ROBO2: variants seen among roughly 807,000 people sequenced by gnomAD.
ROBO2 encodes roundabout homolog 2.
In ROBO2, 53 loss-of-function variants were observed where a neutral mutation model predicts 160.8. That is an observed-to-expected ratio of 0.33 (90% confidence interval 0.26 to 0.41). The LOEUF (loss-of-function observed/expected upper bound fraction) is 0.41, where lower values mean the gene tolerates loss of function less well. ROBO2 is among the 10% of genes least tolerant of loss of function. ROBO2 has a pLI of 1.00. For synonymous variants in ROBO2, 664 were observed against 611.7 expected (o/e 1.09, Z -1.26); for missense variants, 1,577 against 1,722.4 (o/e 0.92, Z 1.49).
chr3:76,706,899 T>G (rs1025479608), intron 2 of ROBO2, among the ~76,000 whole-genome samples: 9 of 152,150 alleles, frequency 5.9e-5, no homozygotes, highest in African/African-American at 2.2e-4. Flanking sequence ...GGTAAACCAA[T>G]GTGATAAGTT....
chr3:77,443,584 C>A (rs2080170164), intron 2 of ROBO2, among the ~76,000 whole-genome samples: 1 of 152,018 alleles, frequency 6.6e-6, no homozygotes, highest in African/African-American at 2.4e-5. Context: ...GACAATTCTA[C>A]TAAAATTGCA....
chr3:77,439,078 C>T (rs1275576605), intron 2 of ROBO2, among the ~76,000 whole-genome samples: 1 of 151,744 alleles, frequency 6.6e-6, no homozygotes, highest in Non-Finnish European at 1.5e-5. Context: ...ATATATTGTC[C>T]TTTTGCATTC....
chr3:77,204,758 T>G (rs938377854), intron 2 of ROBO2, among the ~76,000 whole-genome samples: 12 of 152,230 alleles, frequency 7.9e-5, no homozygotes, highest in South Asian at 2.1e-4. Context: ...AACAAAAACA[T>G]ACGCTTCAAG....
chr3:77,428,073 C>G (rs1324487794), intron 2 of ROBO2, among the ~76,000 whole-genome samples: 1 of 151,818 alleles, frequency 6.6e-6, no homozygotes, highest in East Asian at 1.9e-4. Flanking sequence ...ACCAAGAAAG[C>G]ACAACAAGAC....
chr3:76,506,044 A>G (rs907045858), intron 2 of ROBO2, among the ~76,000 whole-genome samples: 3 of 152,198 alleles, frequency 2.0e-5, no homozygotes, highest in Non-Finnish European at 4.4e-5. Context: ...TCACCTGAAT[A>G]TGAGCACCTG....
At chr3:76,213,096 T>A (rs1703255102) in intron 2 of ROBO2, among the ~76,000 whole-genome samples, 2 of 152,230 alleles carry the variant, frequency 1.3e-5, no homozygotes, top group Admixed American at 1.3e-4. Context: ...TTCTCTTTAA[T>A]TCACTGTACA....
At chr3:76,863,252 C>A (rs2070993020) in intron 2 of ROBO2, among the ~76,000 whole-genome samples, 1 of 151,902 alleles carries the variant, frequency 6.6e-6, no homozygotes, top group South Asian at 2.1e-4. Flanking sequence ...TGTGTAAAAT[C>A]TTATTTCACT....
At chr3:77,013,725 G>A (rs1253329045) in intron 2 of ROBO2, among the ~76,000 whole-genome samples, 2 of 152,106 alleles carry the variant, frequency 1.3e-5, no homozygotes, top group Non-Finnish European at 2.9e-5. Flanking sequence ...TGTTTACTAT[G>A]AGTATGCAAA....
chr3:76,023,910 A>G (rs1264990714), intron 2 of ROBO2, among the ~76,000 whole-genome samples: 1 of 151,482 alleles, frequency 6.6e-6, no homozygotes, highest in African/African-American at 2.4e-5. Context: ...CAGAGAAAAA[A>G]AGTGGAAGAG....
intron 2 of ROBO2, among the ~76,000 whole-genome samples, chr3:77,390,696 G>GA (rs1298908817): frequency 6.6e-6 from 1 of 152,000 alleles, no homozygotes; most frequent in Non-Finnish European, 1.5e-5. Context: ...AATGTAATAT[G>GA]AAAAAAATGA....
At chr3:76,594,960 T>C (rs1395144864) in intron 2 of ROBO2, among the ~76,000 whole-genome samples, 1 of 151,946 alleles carries the variant, frequency 6.6e-6, no homozygotes, top group Non-Finnish European at 1.5e-5. Context: ...CCCATTGTTA[T>C]GGTATTTGGA....
chr3:76,946,291 T>C (rs575196062), intron 2 of ROBO2, among the ~76,000 whole-genome samples: 2 of 152,138 alleles, frequency 1.3e-5, no homozygotes, highest in Non-Finnish European at 2.9e-5. Context: ...TTTCCTTTAA[T>C]CCATTTAGGT....
intron 2 of ROBO2, among the ~76,000 whole-genome samples, chr3:77,308,094 CTT>C (rs75267801): frequency 2.0e-4 from 27 of 136,616 alleles, no homozygotes; most frequent in Admixed American, 3.0e-4. Flanking sequence ...GGAGATATTT[CTT>C]TTTTTTTTTT....
chr3:76,706,870 C>T (rs1357391697), intron 2 of ROBO2, among the ~76,000 whole-genome samples: 1 of 151,992 alleles, frequency 6.6e-6, no homozygotes, highest in Non-Finnish European at 1.5e-5. Context: ...TAGAGGGTGA[C>T]AATTTTTTTC....
chr3:76,216,512 A>G (rs1379220988), intron 2 of ROBO2, among the ~76,000 whole-genome samples: 1 of 152,194 alleles, frequency 6.6e-6, no homozygotes, highest in Non-Finnish European at 1.5e-5. Context: ...TTGCAATCCT[A>G]GTCTCTGATA....
intron 5 of ROBO2, among the ~76,000 whole-genome samples, chr3:77,509,489 G>C (rs1258497203): frequency 6.6e-6 from 1 of 152,012 alleles, no homozygotes; most frequent in Non-Finnish European, 1.5e-5. Flanking sequence ...CCTGGGTCCT[G>C]TGAAAAACTG....
chr3:76,680,309 T>A (rs1331853665), intron 2 of ROBO2, among the ~76,000 whole-genome samples: 2 of 151,932 alleles, frequency 1.3e-5, no homozygotes, highest in Admixed American at 6.6e-5. Context: ...TGTTTGTTTG[T>A]TTTCCTTTTA....
At chr3:76,440,331 A>G (rs2076869926) in intron 2 of ROBO2, among the ~76,000 whole-genome samples, 1 of 151,896 alleles carries the variant, frequency 6.6e-6, no homozygotes, top group Admixed American at 6.6e-5. Flanking sequence ...TACATGTGCC[A>G]TGTTGGTGTG....
chr3:76,681,532 G>A (rs1211909269), intron 2 of ROBO2, among the ~76,000 whole-genome samples: 2 of 151,924 alleles, frequency 1.3e-5, no homozygotes, highest in African/African-American at 2.4e-5. Context: ...TATTTTGGGT[G>A]AGGTGATCAA....
Sources: allele counts gnomAD v4.1 joint callset (sites outside exome capture counted in the v4.1 genomes callset), GRCh38; gene constraint gnomAD v4.1.1; transcripts MANE v1.5; gene names NCBI Gene and HGNC (gene_info 2026-07-23, HGNC 2026-07-21).